EPHA6: variants seen among roughly 807,000 people sequenced by gnomAD.
EPHA6 encodes the protein EPH receptor A6, also known as ephrin type-A receptor 6.
EPHA6 carries 50 observed loss-of-function variants against 112.0 expected under a neutral mutation model. The observed-to-expected ratio is 0.45, with a 90% CI of 0.36 to 0.56. EPHA6 has a LOEUF of 0.56. Ranked by LOEUF, EPHA6 falls within the 20% of genes least tolerant of loss-of-function variation. The probability of loss-of-function intolerance (pLI) is 0.00; values close to 1 mark genes in which losing one functional copy is unlikely to be tolerated. For missense variants in EPHA6, 1,280 were observed against 1,417.4 expected (o/e 0.90, Z 1.56); for synonymous variants, 529 against 490.7 (o/e 1.08, Z -1.03).
intron 14 of EPHA6, among the ~76,000 whole-genome samples, chr3:97,707,762 G>C (rs748065786): frequency 6.6e-6 from 1 of 152,120 alleles, no homozygotes; most frequent in East Asian, 1.9e-4. Context: ...TGGATCATGG[G>C]ACCAGTTTCC....
chr3:97,548,755 T>C (rs182777560), intron 11 of EPHA6, among the ~76,000 whole-genome samples: 1 of 152,380 alleles, frequency 6.6e-6, no homozygotes, highest in Non-Finnish European at 1.5e-5. Context: ...TTGTATCCAG[T>C]GGTTGAAGGA....
In EPHA6 at chr3:97,640,431, T is replaced by A. The variant is rs2093991150; in HGVS notation, c.2784+2349T>A. Among the ~76,000 whole-genome samples the A allele has an allele frequency of 1.3e-5, 2 of 152,160 alleles. 1 individual carries two copies. The highest frequency in any genetic ancestry group is 4.1e-4 in the South Asian group (2 of 4,830). ...AGCAACTAGGAGACAGGCACTGATT[T>A]ATTTAAACAGGAAATAACAAACATA... On this transcript the variant is annotated intron_variant, in intron 14 of 17. Transcript: ENST00000389672.
chr3:97,678,689 A>C (rs1576271262), intron 14 of EPHA6, among the ~76,000 whole-genome samples: 1 of 152,062 alleles, frequency 6.6e-6, no homozygotes, highest in Non-Finnish European at 1.5e-5. Flanking sequence ...TGTTTTTGTA[A>C]TTTCTGTCAG....
intron 3 of EPHA6, among the ~76,000 whole-genome samples, chr3:97,011,909 A>G (rs546182264): frequency 2.0e-5 from 3 of 152,268 alleles, no homozygotes; most frequent in Admixed American, 2.0e-4. Flanking sequence ...ATAAGTAAGT[A>G]TGGTTTTCTG....
intron 1 of EPHA6, among the ~76,000 whole-genome samples, chr3:96,864,630 G>C (rs933335989): frequency 6.6e-6 from 1 of 151,976 alleles, no homozygotes; most frequent in African/African-American, 2.4e-5. Flanking sequence ...TGGTTCCATG[G>C]ATGTAGGAGT....
intron 14 of EPHA6, among the ~76,000 whole-genome samples, chr3:97,664,874 G>T (rs1418067072): frequency 6.6e-6 from 1 of 152,154 alleles, no homozygotes; most frequent in Non-Finnish European, 1.5e-5. Flanking sequence ...AATCAATATC[G>T]TGAACATGGC....
chr3:97,610,134 T>C (rs917407733), intron 12 of EPHA6, among the ~76,000 whole-genome samples: 1 of 151,304 alleles, frequency 6.6e-6, no homozygotes, highest in Non-Finnish European at 1.5e-5. Flanking sequence ...AAAATCAGAG[T>C]TACTTATTTT....
chr3:96,825,510 T>C (rs1018780134), intron 1 of EPHA6, among the ~76,000 whole-genome samples: 18 of 151,966 alleles, frequency 1.2e-4, no homozygotes, highest in Non-Finnish European at 2.5e-4. Flanking sequence ...TAAATATTTT[T>C]ATTGTTATTT....
intron 2 of EPHA6, among the ~76,000 whole-genome samples, chr3:96,925,626 A>G (rs1177055026): frequency 6.9e-6 from 1 of 145,386 alleles, no homozygotes; most frequent in Non-Finnish European, 1.5e-5. Context: ...TTTTCCCAAG[A>G]CAGAGTTTTG....
intron 5 of EPHA6, among the ~76,000 whole-genome samples, chr3:97,264,685 A>T (rs1476945456): frequency 6.6e-6 from 1 of 152,212 alleles, no homozygotes; most frequent in African/African-American, 2.4e-5. Context: ...CTTGTCCTGT[A>T]ACTAGGAAGA....
chr3:97,063,604 G>T (rs1452276911), intron 3 of EPHA6, among the ~76,000 whole-genome samples: 1 of 152,072 alleles, frequency 6.6e-6, no homozygotes, highest in Non-Finnish European at 1.5e-5. Flanking sequence ...GCTGGGCTTA[G>T]TACCTAGGTG....
At chr3:97,252,912 T>C (rs1433139291) in intron 5 of EPHA6, among the ~76,000 whole-genome samples, 1 of 152,188 alleles carries the variant, frequency 6.6e-6, no homozygotes, top group Non-Finnish European at 1.5e-5. Context: ...AATGTCACTG[T>C]TTTTCAAATT....
intron 1 of EPHA6, among the ~76,000 whole-genome samples, chr3:96,836,559 A>G (rs2034426558): frequency 6.6e-6 from 1 of 152,172 alleles, no homozygotes; most frequent in Non-Finnish European, 1.5e-5. Flanking sequence ...ATCTGTAAAC[A>G]TTGCCAATCA....
intron 2 of EPHA6, among the ~76,000 whole-genome samples, chr3:96,909,235 TGAA>T (rs1235675277): frequency 6.6e-6 from 1 of 151,962 alleles, no homozygotes; most frequent in Non-Finnish European, 1.5e-5. Flanking sequence ...TTAGTGTAGA[TGAA>T]GATTATTTGG....
intron 3 of EPHA6, among the ~76,000 whole-genome samples, chr3:97,158,301 A>G (rs911778318): frequency 8.5e-5 from 13 of 152,174 alleles, no homozygotes; most frequent in Non-Finnish European, 1.8e-4. Context: ...TTATTACAAA[A>G]TAAGGTGAAA....
chr3:96,865,694 C>CAAAAAAAAAAAA (rs57565102), intron 1 of EPHA6, among the ~76,000 whole-genome samples: 1 of 82,010 alleles, frequency 1.2e-5, no homozygotes. Flanking sequence ...AAAAAACAAA[C>CAAAAAAAAAAAA]AAAAAAAAAA....
chr3:97,718,317 C>T (rs1381796700), intron 14 of EPHA6, among the ~76,000 whole-genome samples: 3 of 152,200 alleles, frequency 2.0e-5, no homozygotes, highest in African/African-American at 7.2e-5. Flanking sequence ...TTTTTTAGAA[C>T]ATGACTTTAT....
chr3:97,742,542 A>C (rs1412955838), intron 16 of EPHA6, among the ~76,000 whole-genome samples: 1 of 152,150 alleles, frequency 6.6e-6, no homozygotes, highest in African/African-American at 2.4e-5. Flanking sequence ...TTAAATAATC[A>C]TATCAATAAA....
chr3:97,177,916 C>A (rs114661479), intron 3 of EPHA6, among the ~76,000 whole-genome samples: 2,173 of 151,966 alleles, frequency 0.014, 64 homozygotes, highest in African/African-American at 0.05. Context: ...CAGTCTGCAT[C>A]TTTTGTTTGG....
Sources: gnomAD v4.1 joint callset for allele counts (sites outside exome capture counted in the v4.1 genomes callset) on GRCh38, gnomAD v4.1.1 for gene constraint, MANE v1.5 for transcripts, NCBI Gene and HGNC (gene_info 2026-07-23, HGNC 2026-07-21) for gene names.